The following MPPED1 variants were observed in gnomAD, a reference collection of about 807,000 sequenced individuals.
MPPED1 encodes the protein metallophosphoesterase domain-containing protein 1.
A neutral mutation model predicts 36.2 loss-of-function variants in MPPED1; 16 were observed. The ratio of observed to expected loss-of-function variants is 0.44; its 90% CI spans 0.30 to 0.67. MPPED1 has a LOEUF of 0.67. Among genes scored for constraint, MPPED1 ranks in the 30% least tolerant of loss-of-function variants. The pLI is 0.10. For missense variants in MPPED1, 307 were observed against 453.4 expected, an observed-to-expected ratio of 0.68 and a Z score of 2.93; for synonymous variants, 199 against 191.3, an observed-to-expected ratio of 1.04 and a Z score of -0.33.
intron 4 of MPPED1, among the ~76,000 whole-genome samples, chr22:43,497,543 C>A (rs1252129573): frequency 6.6e-6 from 1 of 152,066 alleles, no homozygotes; most frequent in Non-Finnish European, 1.5e-5. Context: ...TTGGAAGGAT[C>A]TAGGTGATGT....
At chr22:43,504,005 A>C (rs1932770699) in intron 6 of MPPED1, among the ~76,000 whole-genome samples, 1 of 152,146 alleles carries the variant, frequency 6.6e-6, no homozygotes, top group Non-Finnish European at 1.5e-5. Context: ...AGAAGAGGGT[A>C]TGAGGGAGGC....
chr22:43,464,627 G>C (rs916293040), intron 3 of MPPED1, among the ~76,000 whole-genome samples: 1 of 152,126 alleles, frequency 6.6e-6, no homozygotes, highest in Admixed American at 6.5e-5. Flanking sequence ...ATGGGTGCAA[G>C]GTGGGAGGGG....
At chr22:43,475,941 A>T (rs1931561359) in intron 4 of MPPED1, among the ~76,000 whole-genome samples, 1 of 87,016 alleles carries the variant, frequency 1.1e-5, no homozygotes, top group Non-Finnish European at 2.5e-5. Flanking sequence ...TGGTATGGTG[A>T]TGATGTGATG....
rs1254447576 is a variant in MPPED1, at chr22:43,502,980, A to AT, written c.862+227dup. On this transcript the variant is annotated intron_variant, in intron 6 of 6. Transcript: ENST00000443721. This position sits in a 1 kb window ranked among gnomAD's most constrained non-coding sequence, Gnocchi z 5.5. ...ACATCCTGCATGACTTAGGGGGTAA[A>AT]TTTTGCTTCCGGGGAGCCCTGCAAC... Among the ~76,000 whole-genome samples the AT allele has an allele frequency of 2.6e-5, 4 of 152,138 alleles. No individual in the cohort carries two copies. The highest frequency in any genetic ancestry group is 9.7e-5 in the African/African-American group (4 of 41,430).
chr22:43,497,773 C>G (rs1216430404), intron 4 of MPPED1, among the ~76,000 whole-genome samples: 1 of 144,354 alleles, frequency 6.9e-6, no homozygotes, highest in Non-Finnish European at 1.5e-5. Flanking sequence ...TCTCTTTTGA[C>G]TGGGGGTCCA....
At chr22:43,473,405 T>C (rs12159539) in intron 3 of MPPED1, among the ~76,000 whole-genome samples, 6,385 of 152,282 alleles carry the variant, frequency 0.042, 153 homozygotes, top group Admixed American at 0.067. Flanking sequence ...AGTTACTGCT[T>C]TGTGAACTGG....
At chr22:43,488,617 T>G (rs577853271) in intron 4 of MPPED1, among the ~76,000 whole-genome samples, 2 of 152,256 alleles carry the variant, frequency 1.3e-5, no homozygotes, top group Non-Finnish European at 2.9e-5. Context: ...TATTCAGCGC[T>G]CTGTTAAAGT....
chr22:43,495,200 G>A (rs1023047834), intron 4 of MPPED1, among the ~76,000 whole-genome samples: 3 of 150,638 alleles, frequency 2.0e-5, no homozygotes, highest in Admixed American at 6.6e-5. Context: ...GATGATGGAA[G>A]TGGTGATGGA....
chr22:43,505,942 G>C lies in MPPED1; in HGVS notation c.*326G>C, dbSNP rs1028003172. The C allele has an allele frequency of 6.9e-5, 16 of 233,230 alleles. No individual in the cohort carries two copies. Among genetic ancestry groups the C allele is most frequent in the African/African-American group, 3.2e-4 (14 of 44,270 alleles). 14.4% of individuals were successfully genotyped at this position (233,230 alleles called of 1,614,324 possible). A position where few individuals can be genotyped will look rare whatever the true frequency, so the allele number is the denominator to read the frequency against. ...ATTCTTCTCCCTTGGACGCCCTCCTGGTTTGGGAAGCTGCTGCTCTTGAAT... is the reference window on the plus strand; with the variant it reads ...ATTCTTCTCCCTTGGACGCCCTCCTCGTTTGGGAAGCTGCTGCTCTTGAAT... On this transcript the variant is annotated 3_prime_UTR_variant, in exon 7 of 7. Coordinates refer to ENST00000443721, the MANE Select transcript of MPPED1 (RefSeq NM_001044370.2).
At chr22:43,454,723 G>A (rs145857980) in intron 3 of MPPED1, among the ~76,000 whole-genome samples, 7,515 of 152,132 alleles carry the variant, frequency 0.049, 627 homozygotes, top group African/African-American at 0.17. Flanking sequence ...GCTAATTTTT[G>A]TATTTTTAGT....
At chr22:43,456,622 G>C (rs139490947) in intron 3 of MPPED1, among the ~76,000 whole-genome samples, 20 of 152,292 alleles carry the variant, frequency 1.3e-4, no homozygotes, top group African/African-American at 4.8e-4. Flanking sequence ...AGCCTCCCAA[G>C]TAGCTGAGAT....
chr22:43,417,853 TCA>T (rs771614282), intron 1 of MPPED1: 70 of 354,778 alleles, frequency 2.0e-4, no homozygotes, highest in Non-Finnish European at 2.8e-4. Context: ...GCTCCTACTC[TCA>T]GTTAAAGGCC....
chr22:43,467,867 C>T (rs1215282546), intron 3 of MPPED1, among the ~76,000 whole-genome samples: 1 of 152,210 alleles, frequency 6.6e-6, no homozygotes, highest in Non-Finnish European at 1.5e-5. Flanking sequence ...GAAGCTTGCA[C>T]ATATCTTGTT....
At chr22:43,487,606 G>T (rs1182781423) in intron 4 of MPPED1, among the ~76,000 whole-genome samples, 1 of 152,182 alleles carries the variant, frequency 6.6e-6, no homozygotes, top group East Asian at 1.9e-4. Flanking sequence ...TCCAGTCGGG[G>T]TTAAGAGGGG....
At chr22:43,412,198 G>A in intron 1 of MPPED1, 40 bp downstream of exon 1, 2 of 966,054 alleles carry the variant, frequency 2.1e-6, no homozygotes, top group Non-Finnish European at 2.5e-6. Context: ...GGCGCGGGCG[G>A]GAGGCCGGGC....
chr22:43,425,204 G>A lies in MPPED1; in HGVS notation c.219G>A (p.Val73=), dbSNP rs763743235. The change falls in exon 2 of 7, where the codon GTG becomes GTA. Residue 73 remains valine, a synonymous_variant. Transcript: ENST00000443721. ...AGGGCCGCTTCCAGCCACCGCATGT[G>A]CAGATGTAAGTGGGACCGGTGGGGT... ...INQGRFQPPH[V]QMVDPVPHDA... is the part of the protein sequence containing the mutation. 10 of 1,510,750 alleles carry A rather than the reference G, an allele frequency of 6.6e-6. No individual in the cohort carries two copies. Among genetic ancestry groups the A allele is most frequent in the Non-Finnish European group, 9.0e-7 (1 of 1,115,918 alleles). The allele number at this position is 1,510,750 out of a possible 1,614,324, so 93.6% of individuals were successfully genotyped here.
chr22:43,447,969 C>A (rs983327861), intron 3 of MPPED1, among the ~76,000 whole-genome samples: 6 of 149,216 alleles, frequency 4.0e-5, no homozygotes, highest in Non-Finnish European at 5.9e-5. Flanking sequence ...ACCTCTGCCT[C>A]CCGGGTTCAA....
At chr22:43,434,532 C>A (rs1929883542) in intron 2 of MPPED1, among the ~76,000 whole-genome samples, 1 of 152,190 alleles carries the variant, frequency 6.6e-6, no homozygotes, top group Non-Finnish European at 1.5e-5. Context: ...GTGAAGAAAA[C>A]GTCTTGCTCT....
At chr22:43,482,688 CTGCTCGACGTTTA>C (rs1931786966) in intron 4 of MPPED1, among the ~76,000 whole-genome samples, 1 of 152,200 alleles carries the variant, frequency 6.6e-6, no homozygotes, top group African/African-American at 2.4e-5. Context: ...CATACACCTG[CTGCTCGACGTTTA>C]TGACCGCCCA....
Sources: allele counts gnomAD v4.1 joint callset (sites outside exome capture counted in the v4.1 genomes callset), GRCh38; gene constraint gnomAD v4.1.1; non-coding constraint Gnocchi (gnomAD v3.1); transcripts MANE v1.5; gene names NCBI Gene and HGNC (gene_info 2026-07-23, HGNC 2026-07-21).